Variants in PPFIA4 observed in about 807,000 individuals in gnomAD.
The protein encoded by PPFIA4 is PPFI scaffold protein A4.
A neutral mutation model predicts 145.7 loss-of-function variants in PPFIA4; 98 were observed. That is an observed-to-expected ratio of 0.67 (90% confidence interval 0.57 to 0.80). PPFIA4 has a LOEUF of 0.80. PPFIA4 is among the 30% of genes least tolerant of loss of function. PPFIA4 has a pLI of 0.00. For synonymous variants in PPFIA4, 628 were observed against 649.6 expected (o/e 0.97, Z 0.51); for missense variants, 1,457 against 1,632.7 (o/e 0.89, Z 1.85).
chr1:203,068,569 G>A lies in PPFIA4; in HGVS notation c.3265G>A (p.Glu1089Lys), dbSNP rs772088004. Residue 1089 changes from glutamate (E) to lysine (K), a missense_variant, in exon 27 of 30, where the codon GAG becomes AAG. Physicochemically the swap from Glu to Lys is moderately conservative, Grantham distance 56. This residue lies in a region of PPFIA4 where 848 missense variants were observed against 1,046.7 expected (regional missense o/e 0.81). Transcript: ENST00000295706. This position sits in a 1 kb window ranked among gnomAD's most constrained non-coding sequence, Gnocchi z 4.7. ...GCATGGAGCCTTGCTGGCCCTGGAC[G>A]AGAACTTCGACCACAACACACTGGC... Reference protein sequence around the residue: ...GVHGALLALDENFDHNTLALI... With the variant: ...GVHGALLALDKNFDHNTLALI... The A allele has an allele frequency of 2.5e-6, 4 of 1,597,854 alleles. No homozygotes were observed. The highest frequency in any genetic ancestry group is 2.7e-5 in the African/African-American group (2 of 74,302).
intron 27 of PPFIA4, among the ~76,000 whole-genome samples, chr1:203,071,418 G>A (rs907850990): frequency 2.4e-5 from 2 of 83,064 alleles, no homozygotes; most frequent in Non-Finnish European, 2.6e-5. Context: ...TGATCTACCC[G>A]CCTCGGCCTC....
At chr1:203,033,908 G>A (rs1255019746) in intron 1 of PPFIA4, among the ~76,000 whole-genome samples, 4 of 152,290 alleles carry the variant, frequency 2.6e-5, no homozygotes, top group Non-Finnish European at 4.4e-5. Flanking sequence ...ACTTGAACCC[G>A]GGAGGTGGCC....
At position 203,075,167 on chromosome 1, in the gene PPFIA4, C is replaced by T. The variant is rs964174080; in HGVS notation, c.3394-410C>T. ...TACTGGGCTACAGCCATTCGGAGGCCCCAGAAGGACAGGACAGTGTGTATA... is the reference window on the plus strand; with the variant it reads ...TACTGGGCTACAGCCATTCGGAGGCTCCAGAAGGACAGGACAGTGTGTATA... On this transcript the variant is annotated intron_variant, in intron 28 of 29. Coordinates refer to ENST00000295706, the MANE Select transcript of PPFIA4 (RefSeq NM_001304331.2). This position sits in a 1 kb window ranked among gnomAD's most constrained non-coding sequence, Gnocchi z 4.1. Among the ~76,000 whole-genome samples the T allele has an allele frequency of 2.0e-5, 3 of 152,012 alleles. No homozygotes were observed. The highest frequency in any genetic ancestry group is 6.5e-5 in the Admixed American group (1 of 15,276).
At chr1:203,072,886 GC>G (rs1184206645) in intron 28 of PPFIA4, among the ~76,000 whole-genome samples, 5 of 151,406 alleles carry the variant, frequency 3.3e-5, no homozygotes, top group Admixed American at 1.3e-4. Context: ...TAAACTGGCA[GC>G]CCCCCCTCCC....
Position 203,055,431 on chromosome 1 carries a change from G to GGAT in PPFIA4, c.1833_1835dup (p.Met611dup), listed in dbSNP as rs752884574. On this transcript the variant is annotated inframe_insertion and splice_region_variant. Coordinates refer to ENST00000295706, the MANE Select transcript of PPFIA4 (RefSeq NM_001304331.2). The surrounding 1 kb of genome is among the most constrained non-coding windows in gnomAD (Gnocchi z 4.8). ...GAGGTCTGGTTTTGCCTCCCTTCCA[G>GGAT]GATGATTCAGGAAGAGAAGGAGTCC... 2 of 1,613,814 alleles carry GGAT rather than the reference G, an allele frequency of 1.2e-6. No homozygotes were observed. The highest frequency in any genetic ancestry group is 8.5e-7 in the Non-Finnish European group (1 of 1,179,726).
rs1206619589 is a variant in PPFIA4, at chr1:203,060,440, A to T, written c.2784+23A>T. 1 of 1,609,318 alleles carries T rather than the reference A, an allele frequency of 6.2e-7. No individual in the cohort carries two copies. Among genetic ancestry groups the T allele is most frequent in the Non-Finnish European group, 8.5e-7 (1 of 1,179,172 alleles). ...ACTGTGAGTGGCCCCTCCTTTGCCC[A>T]GGACATTTTCAGAGGTCCTGGAACA... On this transcript the variant is annotated intron_variant, in intron 22 of 29. Transcript: ENST00000295706. The surrounding 1 kb of genome is among the most constrained non-coding windows in gnomAD (Gnocchi z 4.8).
At chr1:203,047,275 C>T (rs1339497148) in intron 9 of PPFIA4, among the ~76,000 whole-genome samples, 1 of 152,062 alleles carries the variant, frequency 6.6e-6, no homozygotes, top group Non-Finnish European at 1.5e-5. Flanking sequence ...AAAGTCATCC[C>T]CTCCCTTAAC....
In PPFIA4 at chr1:203,048,747, G is replaced by A; in HGVS notation, c.1356+33G>A. 7.2e-7 allele frequency: 1 copy of A among 1,389,002 alleles called. No homozygotes were observed. Among genetic ancestry groups the A allele is most frequent in the African/African-American group, 1.5e-5 (1 of 67,404 alleles). 86.0% of individuals were successfully genotyped at this position (1,389,002 alleles called of 1,614,324 possible). A position where few individuals can be genotyped will look rare whatever the true frequency, so the allele number is the denominator to read the frequency against. On this transcript the variant is annotated intron_variant, in intron 11 of 29. Coordinates refer to ENST00000295706, the MANE Select transcript of PPFIA4 (RefSeq NM_001304331.2). The surrounding 1 kb of genome is among the most constrained non-coding windows in gnomAD (Gnocchi z 5.8). ...GAGGGGCGGGGTTGGGATGCGAGAGGTTAGTGCTGGGTGTGGGGCGGGGGG... is the reference window on the plus strand; with the variant it reads ...GAGGGGCGGGGTTGGGATGCGAGAGATTAGTGCTGGGTGTGGGGCGGGGGG...
intron 1 of PPFIA4, chr1:203,035,134 T>C (rs915025179): frequency 1.1e-5 from 4 of 360,424 alleles, no homozygotes; most frequent in South Asian, 4.0e-5. Context: ...CAGATCCTCC[T>C]CTCACCTCCA....
chr1:203,065,953 C>T (rs1049664343), intron 25 of PPFIA4, among the ~76,000 whole-genome samples: 2 of 152,184 alleles, frequency 1.3e-5, no homozygotes, highest in African/African-American at 2.4e-5. Context: ...TCATAAATGT[C>T]ACCCTAATAG....
At chr1:203,067,022 C>T (rs115507666) in intron 25 of PPFIA4, among the ~76,000 whole-genome samples, 1,840 of 152,250 alleles carry the variant, frequency 0.012, 30 homozygotes, top group African/African-American at 0.042. Context: ...AATTTTAAAT[C>T]GGATGAACAA....
In PPFIA4 at chr1:203,043,877, CT is replaced by C; in HGVS notation, c.337-53del. On this transcript the variant is annotated intron_variant, in intron 3 of 29. Coordinates refer to ENST00000295706, the MANE Select transcript of PPFIA4 (RefSeq NM_001304331.2). This position sits in a 1 kb window ranked among gnomAD's most constrained non-coding sequence, Gnocchi z 4.4. ...ATCACATGGACCCTGCTTGTAGCCC[CT>C]GGGGCACATGCTTACAGCCCTCCCT... The C allele has an allele frequency of 6.6e-7, 1 of 1,522,318 alleles. No homozygotes were observed. Among genetic ancestry groups the C allele is most frequent in the Non-Finnish European group, 8.9e-7 (1 of 1,129,138 alleles). 94.3% of individuals were successfully genotyped at this position (1,522,318 alleles called of 1,614,324 possible). A position where few individuals can be genotyped will look rare whatever the true frequency, so the allele number is the denominator to read the frequency against.
intron 13 of PPFIA4, among the ~76,000 whole-genome samples, chr1:203,050,392 C>T (rs1012826541): frequency 5.3e-5 from 8 of 152,114 alleles, no homozygotes; most frequent in Admixed American, 2.0e-4. Flanking sequence ...ATTCAGACCT[C>T]GAGCCTGTCC....
In PPFIA4 at chr1:203,048,586, C is replaced by T. The variant is rs534168322; in HGVS notation, c.1228C>T (p.Arg410Cys). ...TGCGAGGCAGACGGCTGTGCAGGTG[C>T]GCCAGCGGGAAAAGATGAATGAGGA... ...EEKNQELARV[R>C]QREKMNEDHN... Residue 410 changes from arginine (R) to cysteine (C), a missense_variant, in exon 11 of 30, where the codon CGC (arginine) becomes TGC (cysteine). This residue lies in a region of PPFIA4 where 848 missense variants were observed against 1,046.7 expected (regional missense o/e 0.81). Coordinates refer to ENST00000295706, the MANE Select transcript of PPFIA4 (RefSeq NM_001304331.2). The surrounding 1 kb of genome is among the most constrained non-coding windows in gnomAD (Gnocchi z 5.8). The T allele has an allele frequency of 3.0e-5, 47 of 1,579,400 alleles. No homozygotes were observed. The highest frequency in any genetic ancestry group is 4.7e-5 in the East Asian group (2 of 42,886).
rs1662685800 is a variant in PPFIA4 at position 203,078,554 on chromosome 1, TA to T, written c.*2165del. 1 of 152,530 alleles carries T rather than the reference TA, an allele frequency of 6.6e-6. No homozygotes were observed. Among genetic ancestry groups the T allele is most frequent in the Admixed American group, 6.5e-5 (1 of 15,280 alleles). 9.4% of individuals were successfully genotyped at this position (152,530 alleles called of 1,614,324 possible). ...TGTATCCCTTGCCTCATAGTCAATA[TA>T]TTTTTTTTTTGGCGAGTCACCAGTG... is the stretch of plus-strand genomic sequence containing the variant. On this transcript the variant is annotated 3_prime_UTR_variant, in exon 30 of 30. Transcript: ENST00000295706.
rs959696528 is a variant in PPFIA4, at chr1:203,043,282, G to T, written c.235-115G>T. 3 of 847,148 alleles carry T rather than the reference G, an allele frequency of 3.5e-6. No homozygotes were observed. The highest frequency in any genetic ancestry group is 3.8e-6 in the Non-Finnish European group (2 of 523,920). The allele number at this position is 847,148 out of a possible 1,614,324, so 52.5% of individuals were successfully genotyped here. ...CAGTGTGGATGGATTGGGATTTTGTGGGGGAGGTGGTGGAAGTAAGGGATG... is the reference window on the plus strand; with the variant it reads ...CAGTGTGGATGGATTGGGATTTTGTTGGGGAGGTGGTGGAAGTAAGGGATG... On this transcript the variant is annotated intron_variant, in intron 2 of 29. Coordinates refer to ENST00000295706, the MANE Select transcript of PPFIA4 (RefSeq NM_001304331.2). The surrounding 1 kb of genome is among the most constrained non-coding windows in gnomAD (Gnocchi z 4.4).
Position 203,060,387 on chromosome 1 carries a change from C to T in PPFIA4, c.2754C>T (p.Thr918=). Residue 918 remains threonine, a synonymous_variant, in exon 22 of 30, where the codon ACC becomes ACT. Transcript: ENST00000295706. This position sits in a 1 kb window ranked among gnomAD's most constrained non-coding sequence, Gnocchi z 4.8. ...CCATTCAGGAGATGGTGTCATTGAC[C>T]AGCCCCTCTGCCCCACCCACCTCCA... ...RLAIQEMVSL[T]SPSAPPTSRT... is the part of the protein sequence containing the mutation. The T allele has an allele frequency of 1.9e-6, 3 of 1,613,818 alleles. No homozygotes were observed. Among genetic ancestry groups the T allele is most frequent in the Non-Finnish European group, 2.5e-6 (3 of 1,179,884 alleles).
At chr1:203,066,700 A>G (rs545126864) in intron 25 of PPFIA4, among the ~76,000 whole-genome samples, 11 of 152,334 alleles carry the variant, frequency 7.2e-5, no homozygotes, top group African/African-American at 2.6e-4. Context: ...CTGTGGTTCT[A>G]TGCCTGGCTT....
Position 203,046,235 on chromosome 1 carries a change from C to G in PPFIA4, c.1006-13C>G. 6.3e-7 allele frequency: 1 copy of G among 1,581,794 alleles called. No homozygotes were observed. Among genetic ancestry groups the G allele is most frequent in the Non-Finnish European group, 8.6e-7 (1 of 1,164,682 alleles). On this transcript the variant is annotated splice_polypyrimidine_tract_variant and intron_variant, in intron 8 of 29. Transcript: ENST00000295706. ...CTCCCTTTTGAATCACTTCACCACC[C>G]CCACATTGCTAGTGTGAGGAGAAGG...
Sources: gnomAD v4.1 joint callset for allele counts (sites outside exome capture counted in the v4.1 genomes callset) on GRCh38, gnomAD v4.1.1 for gene constraint, gnomAD v4.1.1 regional missense constraint, Gnocchi (gnomAD v3.1) non-coding constraint, MANE v1.5 for transcripts, NCBI Gene and HGNC (gene_info 2026-07-23, HGNC 2026-07-21) for gene names.